The following MMD variants were observed in gnomAD, a reference collection of about 807,000 sequenced individuals.
MMD encodes the protein monocyte to macrophage differentiation factor.
In MMD, 22 loss-of-function variants were observed where a neutral mutation model predicts 33.6. The ratio of observed to expected loss-of-function variants is 0.66; its 90% CI spans 0.47 to 0.94. MMD has a LOEUF of 0.94. MMD is among the 40% of genes least tolerant of loss of function. The pLI is 0.00. For synonymous variants in MMD, 97 were observed against 103.2 expected (o/e 0.94, Z 0.36); for missense variants, 242 against 309.8 (o/e 0.78, Z 1.64).
At chr17:55,402,888 C>G (rs970826658) in intron 5 of MMD, among the ~76,000 whole-genome samples, 2 of 152,158 alleles carry the variant, frequency 1.3e-5, no homozygotes, top group East Asian at 3.8e-4. Flanking sequence ...CCATTTTCTT[C>G]TTCTGAAAGG....
chr17:55,417,747 T>C (rs550524800), intron 1 of MMD, among the ~76,000 whole-genome samples: 17 of 152,248 alleles, frequency 1.1e-4, no homozygotes, highest in African/African-American at 4.1e-4. Flanking sequence ...AACAGTGAGT[T>C]GTGATGGCAC....
At chr17:55,413,795 A>G (rs1396408304) in intron 2 of MMD, among the ~76,000 whole-genome samples, 1 of 152,224 alleles carries the variant, frequency 6.6e-6, no homozygotes, top group African/African-American at 2.4e-5. Context: ...TCTTTGCCAA[A>G]TGAACACAGT....
Position 55,411,344 on chromosome 17 carries a change from G to T in MMD, c.182C>A (p.Thr61Lys). ...RLSDDCWEKI[T>K]AWIYGMGLCA... is the part of the protein sequence containing the mutation. The stretch of plus-strand genomic sequence containing the variant: ...GAGTCCCATTCCATAAATCCATGCT[G>T]TTATCTTTTCCCAGCAGTCATCAGA... The change falls in exon 3 of 7, where the codon ACA (threonine) becomes AAA (lysine). Residue 61 changes from threonine (T) to lysine (K), a missense_variant. Thr to Lys is a moderately conservative substitution (Grantham distance 78). Coordinates refer to ENST00000262065, the MANE Select transcript of MMD (RefSeq NM_012329.3). 6.2e-7 allele frequency: 1 copy of T among 1,614,044 alleles called. No homozygotes were observed. The highest frequency in any genetic ancestry group is 2.2e-5 in the East Asian group (1 of 44,884).
At chr17:55,399,795 T>TG (rs1907256648) in intron 6 of MMD, among the ~76,000 whole-genome samples, 1 of 152,240 alleles carries the variant, frequency 6.6e-6, no homozygotes, top group African/African-American at 2.4e-5. Context: ...GAAGGCAGTG[T>TG]GGGGGATCAT....
chr17:55,418,934 T>C (rs1202106945), intron 1 of MMD, among the ~76,000 whole-genome samples: 1 of 152,148 alleles, frequency 6.6e-6, no homozygotes, highest in African/African-American at 2.4e-5. Context: ...AACAAGAAGA[T>C]ACAGTAGAGC....
intron 3 of MMD, among the ~76,000 whole-genome samples, chr17:55,408,421 C>T (rs183954437): frequency 2.1e-4 from 32 of 152,248 alleles, no homozygotes. Context: ...AAAGCATAGC[C>T]ACCTGTATTT....
chr17:55,410,464 A>G (rs1907717984), intron 3 of MMD, among the ~76,000 whole-genome samples: 2 of 152,170 alleles, frequency 1.3e-5, no homozygotes, highest in African/African-American at 4.8e-5. Flanking sequence ...AATCCATTTC[A>G]CAAGCAAACC....
chr17:55,418,200 A>G (rs1908044282), intron 1 of MMD, among the ~76,000 whole-genome samples: 1 of 152,216 alleles, frequency 6.6e-6, no homozygotes, highest in Non-Finnish European at 1.5e-5. Flanking sequence ...CCATCCAACC[A>G]GAGCCCTATG....
chr17:55,419,309 G>C (rs1908086297), intron 1 of MMD, among the ~76,000 whole-genome samples: 2 of 152,212 alleles, frequency 1.3e-5, no homozygotes, highest in Non-Finnish European at 2.9e-5. Flanking sequence ...CTTTGTGTTT[G>C]TCTATGTGTG....
chr17:55,406,186 G>A (rs986547114), intron 4 of MMD, among the ~76,000 whole-genome samples: 1 of 152,054 alleles, frequency 6.6e-6, no homozygotes, highest in African/African-American at 2.4e-5. Flanking sequence ...CTTGAGGTCA[G>A]GAGTTTGAGA....
intron 4 of MMD, among the ~76,000 whole-genome samples, chr17:55,404,193 A>G (rs150482855): frequency 1.1e-3 from 166 of 152,074 alleles, no homozygotes; most frequent in African/African-American, 3.9e-3. Flanking sequence ...CATCTCTACT[A>G]AAAATACAAA....
At position 55,421,786 on chromosome 17, in the gene MMD, G is replaced by A. The variant is rs1053115480; in HGVS notation, c.-91C>T. ...GCCCTCATGGGCTTGGGCTGCTCCG[G>A]AGGCCGCCTGCGTGTCCAGCGGAAC... On this transcript the variant is annotated 5_prime_UTR_variant, in exon 1 of 7. Transcript: ENST00000262065. The A allele has an allele frequency of 1.9e-5, 27 of 1,407,778 alleles. No homozygotes were observed. The highest frequency in any genetic ancestry group is 3.8e-4 in the Middle Eastern group (2 of 5,216). 87.2% of individuals were successfully genotyped at this position (1,407,778 alleles called of 1,614,324 possible).
intron 1 of MMD, among the ~76,000 whole-genome samples, chr17:55,416,186 G>A (rs562957863): frequency 1.3e-5 from 2 of 152,300 alleles, no homozygotes; most frequent in South Asian, 2.1e-4. Flanking sequence ...TGTGTAGGGT[G>A]CAGTAAGTAG....
Position 55,407,789 on chromosome 17 carries a change from T to C in MMD, c.301A>G (p.Arg101Gly). The C allele has an allele frequency of 6.3e-7, 1 of 1,597,648 alleles. No homozygotes were observed. Among genetic ancestry groups the C allele is most frequent in the Non-Finnish European group, 8.5e-7 (1 of 1,175,630 alleles). The stretch of plus-strand genomic sequence containing the variant: ...GCAATGAAGAAATAGATAACCATTC[T>C]ATCACACATGTGAAAACAATGCTCC... ...TVEHCFHMCD[R>G]MVIYFFIAAS... Residue 101 changes from arginine (R) to glycine (G), a missense_variant, in exon 4 of 7, where the codon AGA becomes GGA. Coordinates refer to ENST00000262065, the MANE Select transcript of MMD (RefSeq NM_012329.3).
At chr17:55,410,874 C>A (rs1011522520) in intron 3 of MMD, among the ~76,000 whole-genome samples, 1 of 152,198 alleles carries the variant, frequency 6.6e-6, no homozygotes, top group Non-Finnish European at 1.5e-5. Flanking sequence ...CAGGGCTGGG[C>A]CTCAAAGCCT....
chr17:55,413,540 T>C (rs531517187), intron 2 of MMD, among the ~76,000 whole-genome samples: 1 of 152,294 alleles, frequency 6.6e-6, no homozygotes, highest in East Asian at 1.9e-4. Flanking sequence ...CTGGTTAGTT[T>C]TGTTTTTCTT....
rs749393525 is a variant in MMD at position 55,403,874 on chromosome 17, A to G, written c.345-6T>C. ...CAAGTTCACGAAGATTTAACCTAAA[A>G]ATGTAAACGTGACAACAAAGAACAG... is the stretch of plus-strand genomic sequence containing the variant. On this transcript the variant is annotated splice_region_variant and splice_polypyrimidine_tract_variant and intron_variant, in intron 4 of 6. Coordinates refer to ENST00000262065, the MANE Select transcript of MMD (RefSeq NM_012329.3). The G allele has an allele frequency of 6.2e-7, 1 of 1,603,280 alleles. No homozygotes were observed. Among genetic ancestry groups the G allele is most frequent in the South Asian group, 1.1e-5 (1 of 90,306 alleles).
chr17:55,401,561 A>AAAT (rs1567846836), intron 5 of MMD, 23 bp from the exon 6 acceptor site: 1 of 1,573,308 alleles, frequency 6.4e-7, no homozygotes, highest in Non-Finnish European at 8.7e-7. Context: ...AAATGCAGTT[A>AAAT]ATTTAACTTA....
intron 1 of MMD, among the ~76,000 whole-genome samples, chr17:55,414,622 G>A (rs1449341624): frequency 3.6e-5 from 5 of 137,850 alleles, no homozygotes; most frequent in Non-Finnish European, 6.2e-5. Context: ...AAAAAAAAAC[G>A]AATTTTTCTA....
Sources: gnomAD v4.1 joint callset for allele counts (sites outside exome capture counted in the v4.1 genomes callset) on GRCh38, gnomAD v4.1.1 for gene constraint, MANE v1.5 for transcripts, NCBI Gene and HGNC (gene_info 2026-07-23, HGNC 2026-07-21) for gene names.